SNCG: variants seen among roughly 807,000 people sequenced by gnomAD.
SNCG encodes gamma-synuclein.
A neutral mutation model predicts 16.0 loss-of-function variants in SNCG; 13 were observed. That is an observed-to-expected ratio of 0.81 (90% CI 0.53 to 1.29). The LOEUF is 1.29. Among genes scored for constraint, SNCG ranks in the 50% most tolerant of loss-of-function variants. SNCG has a pLI of 0.00. For synonymous variants in SNCG, 66 were observed against 66.3 expected, an observed-to-expected ratio of 1.00 and a Z score of 0.02; for missense variants, 154 against 168.5, an observed-to-expected ratio of 0.91 and a Z score of 0.48.
Position 86,963,024 on chromosome 10 carries a change from C to T in SNCG, c.*39C>T. 6.3e-7 allele frequency: 1 copy of T among 1,584,990 alleles called. No individual in the cohort carries two copies. The highest frequency in any genetic ancestry group is 2.3e-5 in the East Asian group (1 of 44,108). On this transcript the variant is annotated 3_prime_UTR_variant, in exon 5 of 5. Transcript: ENST00000372017. ...AGCGTGGATGACCTGAAGAGCGCTC[C>T]TCTGCCTTGGACACCATCCCCTCCT...
chr10:86,959,630 C>G lies in SNCG; in HGVS notation c.122-3C>G. On this transcript the variant is annotated splice_region_variant and splice_polypyrimidine_tract_variant and intron_variant, in intron 1 of 4. Coordinates refer to ENST00000372017, the MANE Select transcript of SNCG (RefSeq NM_003087.3). This position sits in a 1 kb window ranked among gnomAD's most constrained non-coding sequence, Gnocchi z 4.3. ...TGGGCTGACAGCTCCATTTCCTCCC[C>G]AGGAGCCAAGACCAAGGAGAATGTT... 4 of 1,613,666 alleles carry G rather than the reference C, an allele frequency of 2.5e-6. No homozygotes were observed. The highest frequency in any genetic ancestry group is 3.4e-6 in the Non-Finnish European group (4 of 1,179,802).
upstream of SNCG, chr10:86,957,857 T>A (rs1369054168): frequency 1.8e-6 from 2 of 1,139,052 alleles, no homozygotes; most frequent in African/African-American, 1.6e-5. Context: ...CTGGGAGCCA[T>A]GAAAAGAGCG....
In SNCG at chr10:86,960,130, T is replaced by G. The variant is rs1300914073; in HGVS notation, c.291+2T>G. 1 of 1,610,324 alleles carries G rather than the reference T, an allele frequency of 6.2e-7. No homozygotes were observed. Reference sequence around the variant, plus strand: ...GTCACCTCCGGGGTGGTGCGCAAGGTGAGCCCCGGCCCTCAGACCTGCCCA... The same window carrying G: ...GTCACCTCCGGGGTGGTGCGCAAGGGGAGCCCCGGCCCTCAGACCTGCCCA... On this transcript the variant is annotated splice_donor_variant, in intron 3 of 4. Transcript: ENST00000372017. LOFTEE classifies it high-confidence loss of function.
chr10:86,963,227 A>C lies in SNCG; in HGVS notation c.*242A>C. The C allele has an allele frequency of 2.3e-6, 1 of 426,080 alleles. No homozygotes were observed. The highest frequency in any genetic ancestry group is 4.1e-6 in the Non-Finnish European group (1 of 241,924). The allele number at this position is 426,080 out of a possible 1,614,324, so 26.4% of individuals were successfully genotyped here. A position where few individuals can be genotyped will look rare whatever the true frequency, so the allele number is the denominator to read the frequency against. On this transcript the variant is annotated 3_prime_UTR_variant, in exon 5 of 5. Transcript: ENST00000372017. ...TATGCTGCTGTGAATTTTTTTTTTAAATGATTCCAAATAAAACTTGAGCCC... is the reference window on the plus strand; with the variant it reads ...TATGCTGCTGTGAATTTTTTTTTTACATGATTCCAAATAAAACTTGAGCCC...
chr10:86,957,772 C>T, upstream of SNCG: 1 of 1,339,092 alleles, frequency 7.5e-7, no homozygotes, highest in Non-Finnish European at 9.6e-7. Context: ...TCCCTGAGGA[C>T]TTGGCTCAGG....
upstream of SNCG, chr10:86,957,325 G>A: frequency 6.3e-7 from 1 of 1,585,624 alleles, no homozygotes; most frequent in South Asian, 1.1e-5. Flanking sequence ...CTCTAGCTGA[G>A]CTGGGACTCA....
intron 3 of SNCG, 63 bp downstream of exon 3, chr10:86,960,191 G>C (rs1329246906): frequency 7.9e-6 from 12 of 1,516,512 alleles, no homozygotes; most frequent in Non-Finnish European, 9.0e-7. Flanking sequence ...GCTGGGCGGA[G>C]GCGGCATCAC....
At chr10:86,962,545 G>T in intron 3 of SNCG, 59 bp from the exon 4 acceptor site, 1 of 1,307,282 alleles carries the variant, frequency 7.6e-7, no homozygotes, top group East Asian at 2.4e-5. Flanking sequence ...CTGGTTGCAG[G>T]GCAGCTAGGG....
In SNCG at chr10:86,959,158, C is replaced by A. The variant is rs550399354; in HGVS notation, c.121+340C>A. ...AGCCTGTGCTCAGGTGGCCCCCACC[C>A]TCTCCACACGGGAGCGGCTACAGCC... On this transcript the variant is annotated intron_variant, in intron 1 of 4. Coordinates refer to ENST00000372017, the MANE Select transcript of SNCG (RefSeq NM_003087.3). The surrounding 1 kb of genome is among the most constrained non-coding windows in gnomAD (Gnocchi z 4.3). 2.9e-3 allele frequency among the ~76,000 whole-genome samples: 447 copies of A among 152,294 alleles called. 6 individuals are homozygous for A. The highest frequency in any genetic ancestry group is 4.4e-3 in the Non-Finnish European group (302 of 68,006).
upstream of SNCG, chr10:86,957,289 C>A: frequency 7.3e-7 from 1 of 1,375,298 alleles, no homozygotes; most frequent in Non-Finnish European, 1.0e-6. Context: ...ACAGATGGGA[C>A]CCCAGTGAGG....
At chr10:86,962,414 C>A (rs947955648) in intron 3 of SNCG, among the ~76,000 whole-genome samples, 190 bp from the exon 4 acceptor site, 1 of 152,094 alleles carries the variant, frequency 6.6e-6, no homozygotes, top group African/African-American at 2.4e-5. Context: ...TGGAAGGCCT[C>A]GGCATCATCA....
chr10:86,963,168 G>T lies in SNCG; in HGVS notation c.*183G>T. 1 of 483,942 alleles carries T rather than the reference G, an allele frequency of 2.1e-6. No homozygotes were observed. The allele number at this position is 483,942 out of a possible 1,614,324, so 30.0% of individuals were successfully genotyped here. The stretch of plus-strand genomic sequence containing the variant: ...GCACCAACCTCACTGCCCTCCCTCG[G>T]CCCCACCCACCCTCTGGTCCTTCTG... On this transcript the variant is annotated 3_prime_UTR_variant, in exon 5 of 5. Coordinates refer to ENST00000372017, the MANE Select transcript of SNCG (RefSeq NM_003087.3).
chr10:86,960,487 T>C (rs1167673122), intron 3 of SNCG, among the ~76,000 whole-genome samples: 1 of 152,042 alleles, frequency 6.6e-6, no homozygotes, highest in African/African-American at 2.4e-5. Flanking sequence ...CGGGCAGTGG[T>C]CACCAGGCCG....
At position 86,958,830 on chromosome 10, in the gene SNCG, A is replaced by G. The variant is rs369666481; in HGVS notation, c.121+12A>G. 9 of 1,596,914 alleles carry G rather than the reference A, an allele frequency of 5.6e-6. No homozygotes were observed. Among genetic ancestry groups the G allele is most frequent in the Non-Finnish European group, 7.7e-6 (9 of 1,171,312 alleles). ...GGTCATGTATGTGGGTAAGTGGGGC[A>G]TGGCAGGGTGGGACAGTGTGGTGGC... On this transcript the variant is annotated intron_variant, in intron 1 of 4. Transcript: ENST00000372017.
Position 86,963,021 on chromosome 10 carries a change from C to A in SNCG, c.*36C>A. The A allele has an allele frequency of 6.3e-7, 1 of 1,587,280 alleles. No homozygotes were observed. Among genetic ancestry groups the A allele is most frequent in the South Asian group, 1.2e-5 (1 of 86,610 alleles). On this transcript the variant is annotated 3_prime_UTR_variant, in exon 5 of 5. Transcript: ENST00000372017. Reference sequence around the variant, plus strand: ...GCCAGCGTGGATGACCTGAAGAGCGCTCCTCTGCCTTGGACACCATCCCCT... The same window carrying A: ...GCCAGCGTGGATGACCTGAAGAGCGATCCTCTGCCTTGGACACCATCCCCT...
rs1844374357 is a variant in SNCG, at chr10:86,962,633, G to A, written c.321G>A (p.Gln107=). 6.2e-7 allele frequency: 1 copy of A among 1,612,878 alleles called. No homozygotes were observed. The highest frequency in any genetic ancestry group is 1.7e-5 in the Admixed American group (1 of 59,908). Residue 107 remains glutamine, a synonymous_variant, in exon 4 of 5, where the codon CAG becomes CAA. Transcript: ENST00000372017. ...KEDLRPSAPQ[Q]EGEASKEKEE... ...ACTTGAGGCCATCTGCCCCCCAACA[G>A]GAGGGTGAGGCATCCAAAGAGAAAG...
At position 86,959,603 on chromosome 10, in the gene SNCG, T is replaced by C. The variant is rs771193186; in HGVS notation, c.122-30T>C. 1 of 1,608,634 alleles carries C rather than the reference T, an allele frequency of 6.2e-7. No homozygotes were observed. The highest frequency in any genetic ancestry group is 1.1e-5 in the South Asian group (1 of 90,852). On this transcript the variant is annotated intron_variant, in intron 1 of 4. Coordinates refer to ENST00000372017, the MANE Select transcript of SNCG (RefSeq NM_003087.3). The surrounding 1 kb of genome is among the most constrained non-coding windows in gnomAD (Gnocchi z 4.3). ...ACCGCCCCCAACACCTCGAGGGAGG[T>C]CTGGGCTGACAGCTCCATTTCCTCC...
chr10:86,958,243 A>G, upstream of SNCG: 1 of 969,856 alleles, frequency 1.0e-6, no homozygotes, highest in Non-Finnish European at 1.2e-6. Flanking sequence ...GACAATGGCC[A>G]AGGCGCCTCC....
chr10:86,962,178 C>T (rs1844363472), intron 3 of SNCG, among the ~76,000 whole-genome samples: 1 of 152,212 alleles, frequency 6.6e-6, no homozygotes, highest in Non-Finnish European at 1.5e-5. Context: ...AGCTGCATGC[C>T]AAGCCTCCCT....
Sources: gnomAD v4.1 joint callset for allele counts (sites outside exome capture counted in the v4.1 genomes callset) on GRCh38, gnomAD v4.1.1 for gene constraint, Gnocchi (gnomAD v3.1) non-coding constraint, MANE v1.5 for transcripts, NCBI Gene and HGNC (gene_info 2026-07-23, HGNC 2026-07-21) for gene names.